Variants in PLB1 observed in about 807,000 individuals in gnomAD.
The protein encoded by PLB1 is phospholipase B1, membrane-associated.
A neutral mutation model predicts 227.4 loss-of-function variants in PLB1; 242 were observed. The observed-to-expected ratio is 1.06, with a 90% CI of 0.96 to 1.18. The LOEUF is 1.18. PLB1 is among the 50% of genes most tolerant of loss of function. The probability of loss-of-function intolerance (pLI) is 0.00; values close to 1 mark genes in which losing one functional copy is unlikely to be tolerated. For missense variants in PLB1, 1,858 were observed against 1,816.3 expected, an observed-to-expected ratio of 1.02 and a Z score of -0.42; for synonymous variants, 757 against 682.2, an observed-to-expected ratio of 1.11 and a Z score of -1.71.
In PLB1 at chr2:28,549,305, A is replaced by G. The variant is rs1673809515; in HGVS notation, c.1008+374A>G. 2.6e-5 allele frequency among the ~76,000 whole-genome samples: 4 copies of G among 151,888 alleles called. No homozygotes were observed. The South Asian group carries it at 8.3e-4, about 32-fold the overall frequency. ...TATCTAAGTACCTGAAAAGTGGATC[A>G]TTTTGACTACATCTTAAATATGTGC... On this transcript the variant is annotated intron_variant, in intron 15 of 57. Coordinates refer to ENST00000327757, the MANE Select transcript of PLB1 (RefSeq NM_153021.5).
chr2:28,586,540 T>C (rs533668788), intron 26 of PLB1, among the ~76,000 whole-genome samples: 1 of 152,252 alleles, frequency 6.6e-6, no homozygotes, highest in African/African-American at 2.4e-5. Flanking sequence ...TGCAAACAGC[T>C]ACCAGAGTGG....
In PLB1 at chr2:28,538,401, G is replaced by A. The variant is rs1274785202; in HGVS notation, c.618+20G>A. ...CAGGAGGTGAGGCCACGGGCCTAGG[G>A]CTTCCCCAAGGGCAGTGGGGCCCAT... On this transcript the variant is annotated intron_variant, in intron 10 of 57. Coordinates refer to ENST00000327757, the MANE Select transcript of PLB1 (RefSeq NM_153021.5). 2 of 1,608,218 alleles carry A rather than the reference G, an allele frequency of 1.2e-6. No individual in the cohort carries two copies. Among genetic ancestry groups the A allele is most frequent in the Non-Finnish European group, 1.7e-6 (2 of 1,177,788 alleles).
intron 21 of PLB1, among the ~76,000 whole-genome samples, chr2:28,576,321 G>A (rs986256774): frequency 3.9e-5 from 6 of 152,196 alleles, no homozygotes; most frequent in Admixed American, 3.9e-4. Context: ...CTGTCATGCA[G>A]ATACAGCAGT....
At chr2:28,598,323 G>A (rs935146096) in intron 34 of PLB1, among the ~76,000 whole-genome samples, 7 of 152,164 alleles carry the variant, frequency 4.6e-5, no homozygotes, top group Non-Finnish European at 1.0e-4. Context: ...CAAGTTACCC[G>A]CTATTTTTAG....
intron 35 of PLB1, among the ~76,000 whole-genome samples, chr2:28,599,339 T>C (rs1683496535): frequency 6.6e-6 from 1 of 152,254 alleles, no homozygotes; most frequent in Non-Finnish European, 1.5e-5. Context: ...CTAGGTCTTC[T>C]TGCTCTATGC....
rs1470562261 is a variant in PLB1 at position 28,582,483 on chromosome 2, T to G, written c.1711T>G (p.Tyr571Asp). Reference protein sequence around the residue: ...LRELYQEKKVYCPRMILRSLC... With the variant: ...LRELYQEKKVDCPRMILRSLC... ...GGAGCTGTACCAGGAGAAAAAAGTCTACTGCCCAAGGATGATCCTCAGGTC... is the reference window on the plus strand; with the variant it reads ...GGAGCTGTACCAGGAGAAAAAAGTCGACTGCCCAAGGATGATCCTCAGGTC... Residue 571 changes from tyrosine to aspartate, a missense_variant, in exon 25 of 58, where the codon TAC (tyrosine) becomes GAC (aspartate). Coordinates refer to ENST00000327757, the MANE Select transcript of PLB1 (RefSeq NM_153021.5). 6.2e-7 allele frequency: 1 copy of G among 1,610,052 alleles called. No homozygotes were observed. Among genetic ancestry groups the G allele is most frequent in the Non-Finnish European group, 8.5e-7 (1 of 1,177,936 alleles).
chr2:28,598,132 C>A, intron 34 of PLB1, 84 bp downstream of exon 34: 1 of 1,150,246 alleles, frequency 8.7e-7, no homozygotes, highest in Admixed American at 2.2e-5. Flanking sequence ...CCCAGGTAAG[C>A]AGCAAATGAC....
At chr2:28,617,150 A>G (rs1179126350) in intron 44 of PLB1, among the ~76,000 whole-genome samples, 1 of 152,266 alleles carries the variant, frequency 6.6e-6, no homozygotes, top group Non-Finnish European at 1.5e-5. Flanking sequence ...ATTTAAAAAC[A>G]TATAAGGAAT....
intron 21 of PLB1, among the ~76,000 whole-genome samples, chr2:28,573,527 G>A (rs1354004001): frequency 1.3e-5 from 2 of 152,202 alleles, no homozygotes; most frequent in African/African-American, 2.4e-5. Context: ...TCTGATGCCA[G>A]GCATATGCTC....
intron 18 of PLB1, among the ~76,000 whole-genome samples, chr2:28,564,106 G>T (rs1279171631): frequency 1.3e-5 from 2 of 152,166 alleles, no homozygotes; most frequent in African/African-American, 4.8e-5. Context: ...ATTAAGCATG[G>T]TGACACATGC....
chr2:28,605,547 T>G (rs1305090446), intron 41 of PLB1, among the ~76,000 whole-genome samples: 1 of 152,056 alleles, frequency 6.6e-6, no homozygotes, highest in Non-Finnish European at 1.5e-5. Context: ...AGGATCCCAC[T>G]CCTTCATCTG....
intron 54 of PLB1, among the ~76,000 whole-genome samples, chr2:28,631,680 G>C (rs770328768): frequency 6.6e-6 from 1 of 152,212 alleles, no homozygotes; most frequent in Non-Finnish European, 1.5e-5. Context: ...CGTGCAGTGA[G>C]AGGAGGGGAG....
intron 6 of PLB1, among the ~76,000 whole-genome samples, chr2:28,529,007 G>A (rs12053328): frequency 0.35 from 51,929 of 148,730 alleles, 9,723 homozygotes; most frequent in East Asian, 0.78. Flanking sequence ...GAGTGCAGTG[G>A]CACAAACACA....
intron 55 of PLB1, 78 bp from the exon 56 acceptor site, chr2:28,632,866 C>A: frequency 2.0e-6 from 2 of 1,010,238 alleles, no homozygotes; most frequent in Non-Finnish European, 1.6e-6. Context: ...ATGCCCAGGG[C>A]ACCTGCTGGG....
At chr2:28,525,545 G>T (rs1208783430) in intron 5 of PLB1, among the ~76,000 whole-genome samples, 1 of 152,122 alleles carries the variant, frequency 6.6e-6, no homozygotes, top group Non-Finnish European at 1.5e-5. Flanking sequence ...AAGTGGGAAA[G>T]GCTAATAGAG....
chr2:28,575,052 G>A (rs1285621845), intron 21 of PLB1, among the ~76,000 whole-genome samples: 7 of 152,188 alleles, frequency 4.6e-5, no homozygotes, highest in Non-Finnish European at 8.8e-5. Context: ...TGGCTGGATC[G>A]AATGGTGGTT....
chr2:28,546,821 T>C (rs928869248), intron 14 of PLB1, among the ~76,000 whole-genome samples: 1 of 152,106 alleles, frequency 6.6e-6, no homozygotes, highest in Non-Finnish European at 1.5e-5. Context: ...AAAAATAGAC[T>C]CTGCTTTATC....
chr2:28,538,526 A>G (rs2148203954), intron 10 of PLB1, 145 bp downstream of exon 10: 1 of 691,520 alleles, frequency 1.4e-6, no homozygotes, highest in Non-Finnish European at 2.4e-6. Context: ...CCATCTTCTC[A>G]TCCTTTCAAA....
At chr2:28,574,852 C>G (rs1292388947) in intron 21 of PLB1, among the ~76,000 whole-genome samples, 1 of 152,204 alleles carries the variant, frequency 6.6e-6, no homozygotes, top group African/African-American at 2.4e-5. Flanking sequence ...TTATTTCATT[C>G]CTTTTTATGG....
Sources: allele counts gnomAD v4.1 joint callset (sites outside exome capture counted in the v4.1 genomes callset), GRCh38; gene constraint gnomAD v4.1.1; transcripts MANE v1.5; gene names NCBI Gene and HGNC (gene_info 2026-07-23, HGNC 2026-07-21).